MAML3: variants seen among roughly 807,000 people sequenced by gnomAD.
MAML3 encodes the protein mastermind-like protein 3.
In MAML3, 27 loss-of-function variants were observed where a neutral mutation model predicts 101.9. The ratio of observed to expected loss-of-function variants is 0.27; its 90% CI spans 0.20 to 0.37. The LOEUF (loss-of-function observed/expected upper bound fraction) is 0.37, where lower values mean the gene tolerates loss of function less well. Among genes scored for constraint, MAML3 ranks in the 10% least tolerant of loss-of-function variants. The pLI, the probability that MAML3 is intolerant of heterozygous loss-of-function variation, is 1.00. For missense variants in MAML3, 1,316 were observed against 1,444.9 expected (o/e 0.91, Z 1.45); for synonymous variants, 501 against 555.9 (o/e 0.90, Z 1.39).
intron 2 of MAML3, among the ~76,000 whole-genome samples, chr4:139,770,077 G>A (rs1366849570): frequency 1.3e-5 from 2 of 151,976 alleles, no homozygotes; most frequent in Non-Finnish European, 2.9e-5. Flanking sequence ...ATACTACCAT[G>A]TCTCAGCTAG....
At chr4:139,839,469 AT>A (rs5862438) in intron 2 of MAML3, among the ~76,000 whole-genome samples, 19,676 of 146,158 alleles carry the variant, frequency 0.13, 3,072 homozygotes, top group African/African-American at 0.39. Context: ...AGTCCAACAG[AT>A]TTTTTTTTTT....
intron 2 of MAML3, among the ~76,000 whole-genome samples, chr4:139,863,295 G>C (rs1241988735): frequency 6.7e-6 from 1 of 148,856 alleles, no homozygotes; most frequent in African/African-American, 2.5e-5. Context: ...TCATTTGTTT[G>C]TTGTGAGATT....
At chr4:140,008,136 G>C (rs1385125036) in intron 1 of MAML3, among the ~76,000 whole-genome samples, 2 of 152,220 alleles carry the variant, frequency 1.3e-5, no homozygotes, top group African/African-American at 4.8e-5. Context: ...CCTGAGGTCA[G>C]GAATTTGAGA....
chr4:139,863,832 GTTTTT>G (rs58270046), intron 2 of MAML3, among the ~76,000 whole-genome samples: 10 of 111,254 alleles, frequency 9.0e-5, no homozygotes, highest in African/African-American at 1.1e-4. Context: ...CAGAACATGG[GTTTTT>G]TTTTTTTTTT....
intron 2 of MAML3, among the ~76,000 whole-genome samples, chr4:139,793,971 G>A (rs1474037403): frequency 6.6e-6 from 1 of 152,166 alleles, no homozygotes; most frequent in Non-Finnish European, 1.5e-5. Flanking sequence ...CCTTTTAACA[G>A]TAGCCAGAAC....
intron 2 of MAML3, among the ~76,000 whole-genome samples, chr4:139,760,189 G>A (rs960109166): frequency 6.6e-6 from 1 of 152,250 alleles, no homozygotes; most frequent in Non-Finnish European, 1.5e-5. Flanking sequence ...TGTCACTGAT[G>A]TAGATGAAGG....
intron 3 of MAML3, among the ~76,000 whole-genome samples, chr4:139,728,941 C>A (rs1170443373): frequency 6.6e-6 from 1 of 152,120 alleles, no homozygotes; most frequent in Non-Finnish European, 1.5e-5. Context: ...TCAGGCACAC[C>A]TGAGATTTCC....
chr4:139,772,352 T>A (rs1052033554), intron 2 of MAML3, among the ~76,000 whole-genome samples: 15 of 151,294 alleles, frequency 9.9e-5, no homozygotes, highest in African/African-American at 3.4e-4. Context: ...TGTTTGTTAG[T>A]TTTTTTGAGA....
At chr4:140,006,133 AG>A (rs1170310149) in intron 1 of MAML3, among the ~76,000 whole-genome samples, 1 of 152,140 alleles carries the variant, frequency 6.6e-6, no homozygotes, top group East Asian at 1.9e-4. Flanking sequence ...GACTTTATCG[AG>A]TAAGATGACT....
intron 1 of MAML3, among the ~76,000 whole-genome samples, chr4:140,036,585 A>C (rs1344886919): frequency 1.3e-5 from 2 of 152,182 alleles, no homozygotes; most frequent in African/African-American, 2.4e-5. Flanking sequence ...GCACAGCTCC[A>C]GCAGGAATCT....
At chr4:140,018,361 A>G (rs1578644941) in intron 1 of MAML3, among the ~76,000 whole-genome samples, 1 of 152,238 alleles carries the variant, frequency 6.6e-6, no homozygotes, top group East Asian at 1.9e-4. Flanking sequence ...AGATCAAACA[A>G]AAGCATAAAC....
At chr4:139,885,805 C>A (rs1031259318) in intron 2 of MAML3, among the ~76,000 whole-genome samples, 1 of 148,872 alleles carries the variant, frequency 6.7e-6, no homozygotes, top group Non-Finnish European at 1.5e-5. Context: ...TGCCGGCAGG[C>A]GCCTGTAGTC....
At chr4:140,151,655 T>G (rs1441882971) in intron 1 of MAML3, among the ~76,000 whole-genome samples, 1 of 145,230 alleles carries the variant, frequency 6.9e-6, no homozygotes. Flanking sequence ...AGGATTCCCG[T>G]CGCCTGGCCC....
At chr4:139,997,206 G>T (rs1734835032) in intron 1 of MAML3, among the ~76,000 whole-genome samples, 1 of 150,430 alleles carries the variant, frequency 6.6e-6, no homozygotes, top group South Asian at 2.1e-4. Flanking sequence ...GGCCATTTTG[G>T]TATTTTTCTA....
chr4:140,136,408 G>T (rs1728883081), intron 1 of MAML3, among the ~76,000 whole-genome samples: 1 of 152,092 alleles, frequency 6.6e-6, no homozygotes, highest in Non-Finnish European at 1.5e-5. Context: ...CTCCATTGTG[G>T]ATGAGGGCAT....
intron 2 of MAML3, among the ~76,000 whole-genome samples, chr4:139,839,225 A>G (rs1171103240): frequency 6.6e-6 from 1 of 152,182 alleles, no homozygotes; most frequent in Non-Finnish European, 1.5e-5. Context: ...GGTCTAGGTG[A>G]AAGATTCAGA....
chr4:140,031,200 C>T (rs1269248515), intron 1 of MAML3, among the ~76,000 whole-genome samples: 1 of 152,080 alleles, frequency 6.6e-6, no homozygotes, highest in African/African-American at 2.4e-5. Context: ...ACAAAGAAAA[C>T]GCCATCATTA....
At chr4:139,878,215 G>A (rs889965537) in intron 2 of MAML3, among the ~76,000 whole-genome samples, 2 of 152,014 alleles carry the variant, frequency 1.3e-5, no homozygotes, top group Non-Finnish European at 2.9e-5. Context: ...CCTCTATCCC[G>A]CCAACTCCTA....
intron 1 of MAML3, among the ~76,000 whole-genome samples, chr4:139,973,725 C>G (rs2110796324): frequency 6.6e-6 from 1 of 152,244 alleles, no homozygotes; most frequent in African/African-American, 2.4e-5. Flanking sequence ...CTCCAAAAAA[C>G]AAAAACAAAA....
Sources: allele counts gnomAD v4.1 joint callset (sites outside exome capture counted in the v4.1 genomes callset), GRCh38; gene constraint gnomAD v4.1.1; transcripts MANE v1.5; gene names NCBI Gene and HGNC (gene_info 2026-07-23, HGNC 2026-07-21).